LARGE1: variants seen among roughly 807,000 people sequenced by gnomAD.
LARGE1 encodes the protein xylosyl- and glucuronyltransferase LARGE1.
A neutral mutation model predicts 87.6 loss-of-function variants in LARGE1; 43 were observed. That is an observed-to-expected ratio of 0.49 (90% CI 0.38 to 0.63). The LOEUF (loss-of-function observed/expected upper bound fraction) is 0.63, where lower values mean the gene tolerates loss of function less well. Among genes scored for constraint, LARGE1 ranks in the 30% least tolerant of loss-of-function variants. The pLI is 0.00. For synonymous variants in LARGE1, 434 were observed against 394.6 expected, an observed-to-expected ratio of 1.10 and a Z score of -1.18; for missense variants, 802 against 1,000.2, an observed-to-expected ratio of 0.80 and a Z score of 2.67.
chr22:33,687,962 C>T (rs2081991822), intron 2 of LARGE1, among the ~76,000 whole-genome samples: 1 of 152,206 alleles, frequency 6.6e-6, no homozygotes, highest in Admixed American at 6.5e-5. Context: ...CCTAGACCCA[C>T]CACAACCTCA....
At chr22:33,189,950 C>T (rs1276227229) in intron 11 of LARGE1, among the ~76,000 whole-genome samples, 1 of 152,118 alleles carries the variant, frequency 6.6e-6, no homozygotes, top group Non-Finnish European at 1.5e-5. Context: ...AGAAGTTGTC[C>T]AAAGGGACAA....
chr22:33,524,030 C>T (rs5749622), intron 6 of LARGE1, among the ~76,000 whole-genome samples: 62,978 of 151,932 alleles, frequency 0.41, 14,672 homozygotes, highest in Admixed American at 0.51. Flanking sequence ...TGGTGGTTCA[C>T]GACTGTAATC....
intron 1 of LARGE1, chr22:33,873,159 T>C (rs1411339479): frequency 6.6e-6 from 1 of 152,236 alleles, no homozygotes; most frequent in Non-Finnish European, 1.5e-5. Flanking sequence ...AGGGTGCAGA[T>C]TTGGCCAGAT....
At chr22:33,539,718 G>C (rs1249808959) in intron 6 of LARGE1, among the ~76,000 whole-genome samples, 2 of 112,784 alleles carry the variant, frequency 1.8e-5, no homozygotes, top group Non-Finnish European at 3.9e-5. Flanking sequence ...AGCCTACCAA[G>C]TAGCTGGGAC....
chr22:33,564,743 G>A (rs757969675), intron 6 of LARGE1, 105 bp downstream of exon 6: 84 of 1,133,358 alleles, frequency 7.4e-5, no homozygotes, highest in East Asian at 3.3e-4. Context: ...GCATTAGCAC[G>A]ACCTCATTCG....
chr22:33,578,025 T>C (rs2078402839), intron 5 of LARGE1, among the ~76,000 whole-genome samples: 1 of 152,126 alleles, frequency 6.6e-6, no homozygotes, highest in African/African-American at 2.4e-5. Flanking sequence ...TAACCAAAGG[T>C]CTTATTGCAA....
chr22:33,274,254 G>A lies in LARGE1; in HGVS notation c.*173C>T, dbSNP rs568794375. 2.9e-6 allele frequency: 2 copies of A among 694,470 alleles called. No individual in the cohort carries two copies. Among genetic ancestry groups the A allele is most frequent in the African/African-American group, 3.5e-5 (2 of 57,268 alleles). The allele number at this position is 694,470 out of a possible 1,614,324, so 43.0% of individuals were successfully genotyped here. A position where few individuals can be genotyped will look rare whatever the true frequency, so the allele number is the denominator to read the frequency against. Reference sequence around the variant, plus strand: ...CAGGGTTGTGGGGCAGAGAGGGACTGGCTGGATCCTTGTCCAAGGTCTCTG... The same window carrying A: ...CAGGGTTGTGGGGCAGAGAGGGACTAGCTGGATCCTTGTCCAAGGTCTCTG... On this transcript the variant is annotated 3_prime_UTR_variant, in exon 15 of 15. Transcript: ENST00000397394.
chr22:33,652,356 C>T (rs2080845337), intron 2 of LARGE1, among the ~76,000 whole-genome samples: 2 of 151,216 alleles, frequency 1.3e-5, no homozygotes, highest in African/African-American at 4.9e-5. Flanking sequence ...AGAGAGCTAA[C>T]ATTAAAAAAA....
the LARGE1 span, among the ~76,000 whole-genome samples, chr22:33,152,067 TTC>T: frequency 2.6e-5 from 4 of 152,220 alleles, no homozygotes; most frequent in African/African-American, 7.2e-5. Flanking sequence ...GCCTGGAGAA[TTC>T]TCTTTTTGGA....
intron 11 of LARGE1, among the ~76,000 whole-genome samples, chr22:33,266,396 G>A (rs9609754): frequency 2.1e-3 from 320 of 150,988 alleles, no homozygotes; most frequent in Non-Finnish European, 3.4e-3. Flanking sequence ...TAATTTTTTC[G>A]TATTTTTAGT....
rs150734149 is a variant in LARGE1 at position 33,354,068 on chromosome 22, C to T, written c.1132-16267G>A. 6.9e-3 allele frequency among the ~76,000 whole-genome samples: 1,056 copies of T among 152,308 alleles called. 4 individuals carry two copies. Among genetic ancestry groups the T allele is most frequent in the Admixed American group, 0.011 (165 of 15,296 alleles). Reference sequence around the variant, plus strand: ...CAAAGGACATGTAAGAGATGGCACACGTGAAGAAAGGATGGTTGCTGGTAG... The same window carrying T: ...CAAAGGACATGTAAGAGATGGCACATGTGAAGAAAGGATGGTTGCTGGTAG... On this transcript the variant is annotated intron_variant, in intron 9 of 14. Transcript: ENST00000397394.
At chr22:33,870,971 C>G (rs2064261577) in intron 1 of LARGE1, among the ~76,000 whole-genome samples, 1 of 152,184 alleles carries the variant, frequency 6.6e-6, no homozygotes, top group African/African-American at 2.4e-5. Context: ...AACCCAGATC[C>G]AGAATCTGTG....
intron 10 of LARGE1, among the ~76,000 whole-genome samples, 179 bp downstream of exon 10, chr22:33,337,467 A>G (rs566089151): frequency 6.6e-6 from 1 of 152,132 alleles, no homozygotes; most frequent in Non-Finnish European, 1.5e-5. Context: ...AATGATGAGC[A>G]TGCAAAGGAC....
chr22:33,697,001 T>A (rs1443849042), intron 2 of LARGE1, among the ~76,000 whole-genome samples: 1 of 152,052 alleles, frequency 6.6e-6, no homozygotes, highest in Non-Finnish European at 1.5e-5. Flanking sequence ...AAAAGCCACA[T>A]TAGACATTTT....
chr22:33,594,519 G>C (rs1263734659), intron 5 of LARGE1, among the ~76,000 whole-genome samples: 1 of 152,112 alleles, frequency 6.6e-6, no homozygotes, highest in Non-Finnish European at 1.5e-5. Flanking sequence ...CCTGCCCATT[G>C]CTTTCTCATT....
intron 2 of LARGE1, among the ~76,000 whole-genome samples, chr22:33,722,908 T>C (rs1385724303): frequency 1.3e-5 from 2 of 151,844 alleles, no homozygotes; most frequent in Non-Finnish European, 2.9e-5. Flanking sequence ...GGTCGGAGCT[T>C]GGGGGTGAGC....
In LARGE1 at chr22:33,304,080, C is replaced by T. The variant is rs541348354; in HGVS notation, c.1730+149G>A. On this transcript the variant is annotated intron_variant, in intron 12 of 14. Coordinates refer to ENST00000397394, the MANE Select transcript of LARGE1 (RefSeq NM_133642.5). Reference sequence around the variant, plus strand: ...AACTCTATTGCTGGGTGGCTGTGGGCAGGTCCCTTCCCCTTTCTGGGTCTC... The same window carrying T: ...AACTCTATTGCTGGGTGGCTGTGGGTAGGTCCCTTCCCCTTTCTGGGTCTC... 5.6e-5 allele frequency: 46 copies of T among 827,040 alleles called. 1 individual carries two copies. The highest frequency in any genetic ancestry group is 7.8e-5 in the Non-Finnish European group (41 of 523,022). 51.2% of individuals were successfully genotyped at this position (827,040 alleles called of 1,614,324 possible).
At chr22:33,680,487 A>G (rs1417423117) in intron 2 of LARGE1, among the ~76,000 whole-genome samples, 1 of 150,068 alleles carries the variant, frequency 6.7e-6, no homozygotes, top group Non-Finnish European at 1.5e-5. Context: ...GAGACCTTTG[A>G]TGCACAAATT....
chr22:33,698,478 C>G (rs915922730), intron 2 of LARGE1, among the ~76,000 whole-genome samples: 1 of 143,796 alleles, frequency 7.0e-6, no homozygotes. Flanking sequence ...TTTTTGTATT[C>G]TTTTTGCTTT....
Sources: allele counts gnomAD v4.1 joint callset (sites outside exome capture counted in the v4.1 genomes callset), GRCh38; gene constraint gnomAD v4.1.1; transcripts MANE v1.5; gene names NCBI Gene and HGNC (gene_info 2026-07-23, HGNC 2026-07-21).